Variants in TPPP observed in about 807,000 individuals in gnomAD.
TPPP encodes tubulin polymerization-promoting protein.
A neutral mutation model predicts 15.5 loss-of-function variants in TPPP; 6 were observed. The observed-to-expected ratio is 0.39, with a 90% CI of 0.21 to 0.77. TPPP has a LOEUF of 0.77. TPPP is among the 30% of genes least tolerant of loss of function. The pLI, the probability that TPPP is intolerant of heterozygous loss-of-function variation, is 0.42. For missense variants in TPPP, 269 were observed against 307.2 expected (o/e 0.88, Z 0.93); for synonymous variants, 146 against 133.9 (o/e 1.09, Z -0.63).
At chr5:675,213 C>T (rs66914035) in intron 2 of TPPP, among the ~76,000 whole-genome samples, 14,581 of 44,636 alleles carry the variant, frequency 0.33, 2,375 homozygotes, top group East Asian at 0.49. Context: ...TCAGTGTAGC[C>T]GGGGGTGCAG....
the TPPP span, among the ~76,000 whole-genome samples, chr5:698,789 A>G: frequency 7.9e-5 from 12 of 151,948 alleles, no homozygotes; most frequent in African/African-American, 2.9e-4. Context: ...CTCCACCAAA[A>G]AACTCTTAGA....
chr5:668,412 A>G (rs57384556), intron 2 of TPPP, among the ~76,000 whole-genome samples: 2,846 of 75,862 alleles, frequency 0.038, 453 homozygotes, highest in African/African-American at 0.18. Context: ...ACAAGCACAC[A>G]GAGAGGGGGC....
intron 2 of TPPP, among the ~76,000 whole-genome samples, chr5:672,372 C>T (rs1446681833): frequency 6.6e-6 from 1 of 152,234 alleles, no homozygotes; most frequent in African/African-American, 2.4e-5. Flanking sequence ...CCAGTATCCA[C>T]CCAGGTGTCT....
intron 2 of TPPP, among the ~76,000 whole-genome samples, chr5:669,578 C>T (rs996881259): frequency 1.3e-5 from 2 of 152,190 alleles, no homozygotes; most frequent in Non-Finnish European, 2.9e-5. Flanking sequence ...GCCTGACTGC[C>T]AGCCTGGTGA....
At chr5:676,470 G>C (rs1740436308) in intron 2 of TPPP, 1 of 152,298 alleles carries the variant, frequency 6.6e-6, no homozygotes, top group Non-Finnish European at 1.5e-5. Context: ...CCCTTGCAAA[G>C]CCAAGGCCGC....
chr5:687,631 T>C (rs1048753692), intron 1 of TPPP, among the ~76,000 whole-genome samples: 2 of 110,436 alleles, frequency 1.8e-5, no homozygotes, highest in African/African-American at 5.9e-5. Flanking sequence ...GGGAAGGTAA[T>C]GCAAAAGAAT....
upstream of TPPP, among the ~76,000 whole-genome samples, chr5:697,303 C>T (rs1741032438): frequency 7.8e-6 from 1 of 127,896 alleles, no homozygotes; most frequent in Non-Finnish European, 1.7e-5. Flanking sequence ...GGGTGTTCAG[C>T]CCTAGGCTGA....
intron 2 of TPPP, among the ~76,000 whole-genome samples, chr5:673,052 T>G (rs1439443492): frequency 6.6e-6 from 1 of 152,134 alleles, no homozygotes; most frequent in East Asian, 1.9e-4. Flanking sequence ...GTCAGCAGCT[T>G]TCTGCAGTAC....
chr5:669,091 C>T (rs1740084435), intron 2 of TPPP, among the ~76,000 whole-genome samples: 1 of 152,262 alleles, frequency 6.6e-6, no homozygotes, highest in South Asian at 2.1e-4. Context: ...TCCCACAGCT[C>T]AGACCCTCAC....
intron 1 of TPPP, chr5:692,608 C>G (rs543337775): frequency 2.0e-6 from 2 of 983,624 alleles, no homozygotes; most frequent in Admixed American, 6.2e-5. Flanking sequence ...TAAAGGGCTC[C>G]TCAGATCTTC....
In TPPP at chr5:679,047, C is replaced by T. The variant is rs568338246; in HGVS notation, c.-4-983G>A. Among the ~76,000 whole-genome samples, 23 of 152,260 alleles carry T rather than the reference C, an allele frequency of 1.5e-4. No individual in the cohort carries two copies. The South Asian group carries it at 4.1e-3, about 27-fold the overall frequency. Reference sequence around the variant, plus strand: ...GCACTGCACTGAGAGCTGAACATGGCCTCTGCCCACAGACACAAGAGCCGG... The same window carrying T: ...GCACTGCACTGAGAGCTGAACATGGTCTCTGCCCACAGACACAAGAGCCGG... On this transcript the variant is annotated intron_variant, in intron 1 of 3. Transcript: ENST00000360578.
At chr5:665,933 C>T in intron 3 of TPPP, 37 bp downstream of exon 3, 1 of 1,154,322 alleles carries the variant, frequency 8.7e-7, no homozygotes, top group Non-Finnish European at 1.1e-6. Context: ...CGCCCCCACC[C>T]CCTCCAGGCC....
chr5:671,004 C>T (rs892537491), intron 2 of TPPP, among the ~76,000 whole-genome samples: 2 of 152,196 alleles, frequency 1.3e-5, no homozygotes, highest in African/African-American at 4.8e-5. Context: ...AGCTCAGGCC[C>T]CAGGGCGGGC....
At chr5:687,078 A>C (rs112226063) in intron 1 of TPPP, among the ~76,000 whole-genome samples, 6,643 of 119,080 alleles carry the variant, frequency 0.056, 811 homozygotes, top group Non-Finnish European at 0.085. Flanking sequence ...CACAGTCGCC[A>C]TGAGGCCGGG....
chr5:681,753 T>C (rs1194882179), intron 1 of TPPP, among the ~76,000 whole-genome samples: 1 of 150,966 alleles, frequency 6.6e-6, no homozygotes, highest in Non-Finnish European at 1.5e-5. Flanking sequence ...CAAGACTGTG[T>C]TGTCCAACTG....
the TPPP span, among the ~76,000 whole-genome samples, chr5:700,211 C>G: frequency 0.2 from 29,572 of 150,172 alleles, 1,625 homozygotes; most frequent in African/African-American, 0.27. Flanking sequence ...TCAGTGGAGG[C>G]CTGGTTAAAG....
At chr5:686,075 C>T (rs1351992324) in intron 1 of TPPP, among the ~76,000 whole-genome samples, 2 of 152,222 alleles carry the variant, frequency 1.3e-5, no homozygotes, top group Non-Finnish European at 2.9e-5. Context: ...CTGTCCAAGG[C>T]CCAAGTGAGA....
intron 1 of TPPP, among the ~76,000 whole-genome samples, chr5:692,299 C>G (rs1186297112): frequency 6.7e-5 from 9 of 134,304 alleles, no homozygotes; most frequent in Admixed American, 7.4e-5. Flanking sequence ...CCCCAAACCC[C>G]TATCAAAACT....
At chr5:669,780 G>A (rs934887037) in intron 2 of TPPP, among the ~76,000 whole-genome samples, 9 of 152,052 alleles carry the variant, frequency 5.9e-5, no homozygotes, top group African/African-American at 2.2e-4. Context: ...CACGGGCGGG[G>A]AGCTCTCCCC....
Sources: allele counts gnomAD v4.1 joint callset (sites outside exome capture counted in the v4.1 genomes callset), GRCh38; gene constraint gnomAD v4.1.1; transcripts MANE v1.5; gene names NCBI Gene and HGNC (gene_info 2026-07-23, HGNC 2026-07-21).